The following PCDHA7 variants were observed in gnomAD, a reference collection of about 807,000 sequenced individuals.
PCDHA7 encodes the protein protocadherin alpha 7.
PCDHA7 carries 37 observed loss-of-function variants against 57.2 expected under a neutral mutation model. The observed-to-expected ratio is 0.65, with a 90% CI of 0.50 to 0.85. The LOEUF is 0.85. Among genes scored for constraint, PCDHA7 ranks in the 40% least tolerant of loss-of-function variants. The pLI is 0.00. For missense variants in PCDHA7, 1,188 were observed against 1,241.8 expected, an observed-to-expected ratio of 0.96 and a Z score of 0.65; for synonymous variants, 553 against 558.8, an observed-to-expected ratio of 0.99 and a Z score of 0.15.
intron 1 of PCDHA7, chr5:140,860,899 G>C (rs940246442): frequency 6.6e-6 from 1 of 152,256 alleles, no homozygotes; most frequent in Admixed American, 6.6e-5. Flanking sequence ...CAACACGCCA[G>C]GCTAATTTTT....
chr5:140,946,387 T>C (rs1168775484), intron 1 of PCDHA7, among the ~76,000 whole-genome samples: 3 of 151,786 alleles, frequency 2.0e-5, no homozygotes, highest in African/African-American at 7.3e-5. Context: ...TTGGTAGGAA[T>C]GTAAATTAGT....
chr5:140,838,268 C>G (rs1775630088), intron 1 of PCDHA7, among the ~76,000 whole-genome samples: 1 of 138,020 alleles, frequency 7.2e-6, no homozygotes, highest in African/African-American at 2.8e-5. Flanking sequence ...CGCCAACAAC[C>G]AAGCCATGCT....
chr5:140,884,609 G>C (rs1554181782), intron 1 of PCDHA7: 4 of 1,614,138 alleles, frequency 2.5e-6, no homozygotes, highest in African/African-American at 1.3e-5. Flanking sequence ...TCCTTGTCTG[G>C]GTTCTGCAGA....
intron 1 of PCDHA7, chr5:140,926,823 G>C (rs1454618329): frequency 6.7e-7 from 1 of 1,496,998 alleles, no homozygotes; most frequent in Non-Finnish European, 8.9e-7. Context: ...TGCTCTCCAG[G>C]AGTCCGGAGC....
chr5:140,857,101 C>T (rs781855221), intron 1 of PCDHA7: 2 of 1,597,612 alleles, frequency 1.3e-6, no homozygotes, highest in Non-Finnish European at 1.7e-6. Flanking sequence ...AGGTGATTGT[C>T]ACTTCTCTGT....
At chr5:140,969,766 C>A (rs1384743731) in intron 1 of PCDHA7, among the ~76,000 whole-genome samples, 2 of 152,130 alleles carry the variant, frequency 1.3e-5, no homozygotes, top group Non-Finnish European at 1.5e-5. Context: ...AGCTCTGAGG[C>A]CTCTAGGGGC....
chr5:140,978,829 T>A (rs2096825254), intron 1 of PCDHA7, 120 bp from the exon 2 acceptor site: 2 of 1,533,852 alleles, frequency 1.3e-6, no homozygotes, highest in Admixed American at 2.0e-5. Flanking sequence ...ATGAAATGGC[T>A]CATTCAATAC....
chr5:140,954,360 A>G (rs1203050549), intron 1 of PCDHA7, among the ~76,000 whole-genome samples: 2 of 152,212 alleles, frequency 1.3e-5, no homozygotes, highest in African/African-American at 4.8e-5. Flanking sequence ...GAATCGCCAC[A>G]CAGTCTCCCA....
chr5:140,839,588 C>T lies in PCDHA7; in HGVS notation c.2355+2850C>T, dbSNP rs145358613. 8.3e-3 allele frequency among the ~76,000 whole-genome samples: 1,255 copies of T among 152,068 alleles called. 26 individuals are homozygous for T. Among genetic ancestry groups the T allele is most frequent in the African/African-American group, 0.029 (1,202 of 41,420 alleles). On this transcript the variant is annotated intron_variant, in intron 1 of 3. Transcript: ENST00000525929. ...TATTTTTTGTAGAGATGGGGTCTTACCATGTTGCCCAGGCTGGTCTCAAAC... is the reference window on the plus strand; with the variant it reads ...TATTTTTTGTAGAGATGGGGTCTTATCATGTTGCCCAGGCTGGTCTCAAAC...
chr5:140,913,410 C>T (rs375204256), intron 1 of PCDHA7, among the ~76,000 whole-genome samples: 6 of 152,040 alleles, frequency 3.9e-5, no homozygotes, highest in African/African-American at 1.4e-4. Context: ...CCTTTGAATT[C>T]CTGCAGTATC....
intron 1 of PCDHA7, among the ~76,000 whole-genome samples, chr5:140,878,324 A>C (rs1298317950): frequency 4.6e-5 from 7 of 152,210 alleles, no homozygotes; most frequent in Admixed American, 1.3e-4. Context: ...TTTTCACATT[A>C]TATTCCAGGT....
intron 1 of PCDHA7, chr5:140,862,483 G>A (rs1433222220): frequency 1.6e-5 from 6 of 382,112 alleles, no homozygotes; most frequent in Non-Finnish European, 2.6e-5. Context: ...ATCCATTGTT[G>A]GTAATCGCTC....
At chr5:141,003,510 A>C (rs1468305070) in intron 3 of PCDHA7, among the ~76,000 whole-genome samples, 1 of 152,070 alleles carries the variant, frequency 6.6e-6, no homozygotes, top group African/African-American at 2.4e-5. Context: ...ATGGGGTTTC[A>C]CCATGTTCCC....
chr5:140,959,538 A>G (rs1310965047), intron 1 of PCDHA7, among the ~76,000 whole-genome samples: 1 of 152,204 alleles, frequency 6.6e-6, no homozygotes, highest in Non-Finnish European at 1.5e-5. Flanking sequence ...TAATTCAGAG[A>G]TGCTGTATAA....
rs2098417418 is a variant in PCDHA7, at chr5:141,010,475, T to A, written c.*538T>A. On this transcript the variant is annotated 3_prime_UTR_variant, in exon 4 of 4. Coordinates refer to ENST00000525929, the MANE Select transcript of PCDHA7 (RefSeq NM_018910.3). ...GGAAGTTATCAGTATGGAGGGGAAG[T>A]GTAAACTTAAAGGGACCAGACTTTC... 16 of 757,310 alleles carry A rather than the reference T, an allele frequency of 2.1e-5. No homozygotes were observed. The highest frequency in any genetic ancestry group is 3.0e-5 in the Non-Finnish European group (15 of 502,774). 46.9% of individuals were successfully genotyped at this position (757,310 alleles called of 1,614,324 possible). A position where few individuals can be genotyped will look rare whatever the true frequency, so the allele number is the denominator to read the frequency against.
intron 1 of PCDHA7, chr5:140,859,682 A>G (rs2045965984): frequency 6.5e-6 from 1 of 154,852 alleles, no homozygotes; most frequent in Admixed American, 6.4e-5. Context: ...AAATAAAATT[A>G]AAATTATTGT....
chr5:140,853,755 C>A, intron 1 of PCDHA7: 3 of 988,492 alleles, frequency 3.0e-6, no homozygotes, highest in Non-Finnish European at 3.7e-6. Flanking sequence ...CAAGGCTCCA[C>A]CTCAGAAATT....
intron 1 of PCDHA7, among the ~76,000 whole-genome samples, chr5:140,916,789 C>T (rs146305877): frequency 2.8e-4 from 42 of 152,168 alleles, no homozygotes; most frequent in Non-Finnish European, 4.7e-4. Context: ...TTAGCTGCCC[C>T]AGCTGATGAC....
chr5:140,927,031 GC>G, intron 1 of PCDHA7: 6 of 1,612,410 alleles, frequency 3.7e-6, no homozygotes, highest in Non-Finnish European at 5.1e-6. Flanking sequence ...GAGGCTGCCA[GC>G]GGCCGCTATG....
Sources: gnomAD v4.1 joint callset for allele counts (sites outside exome capture counted in the v4.1 genomes callset) on GRCh38, gnomAD v4.1.1 for gene constraint, MANE v1.5 for transcripts, NCBI Gene and HGNC (gene_info 2026-07-23, HGNC 2026-07-21) for gene names.